The following ITGAL variants were observed in gnomAD, a reference collection of about 807,000 sequenced individuals.
The protein encoded by ITGAL is integrin alpha-L.
A neutral mutation model predicts 138.4 loss-of-function variants in ITGAL; 68 were observed. The ratio of observed to expected loss-of-function variants is 0.49; its 90% CI spans 0.40 to 0.60. ITGAL has a LOEUF of 0.60. Among genes scored for constraint, ITGAL ranks in the 20% least tolerant of loss-of-function variants. The pLI, the probability that ITGAL is intolerant of heterozygous loss-of-function variation, is 0.00. For synonymous variants in ITGAL, 561 were observed against 584.3 expected, an observed-to-expected ratio of 0.96 and a Z score of 0.57; for missense variants, 1,256 against 1,478.6, an observed-to-expected ratio of 0.85 and a Z score of 2.47.
chr16:30,477,289 C>T (rs1351606316), intron 4 of ITGAL: 1 of 151,974 alleles, frequency 6.6e-6, no homozygotes, highest in East Asian at 1.9e-4. Context: ...TGGTGGCTCA[C>T]ATCTGTAATC....
chr16:30,479,544 AT>A, intron 6 of ITGAL, 83 bp downstream of exon 6: 1 of 1,352,544 alleles, frequency 7.4e-7, no homozygotes, highest in Non-Finnish European at 1.0e-6. Context: ...AAATGTTAGT[AT>A]GTGGAATCCT....
intron 26 of ITGAL, 28 bp downstream of exon 26, chr16:30,517,114 T>TA: frequency 7.1e-7 from 1 of 1,409,982 alleles, no homozygotes; most frequent in Middle Eastern, 1.8e-4. Context: ...AGGGAGGGTC[T>TA]ACCCTCCTCA....
At chr16:30,481,075 G>T (rs1432861609) in intron 6 of ITGAL, 1 of 231,432 alleles carries the variant, frequency 4.3e-6, no homozygotes, top group Non-Finnish European at 8.5e-6. Context: ...GCTGAGGCAG[G>T]TGGATCACCT....
chr16:30,494,036 G>T lies in ITGAL; in HGVS notation c.1214-176G>T, dbSNP rs561752191. 3.3e-5 allele frequency among the ~76,000 whole-genome samples: 5 copies of T among 152,312 alleles called. No individual in the cohort carries two copies. The East Asian group carries it at 9.7e-4, about 29-fold the overall frequency. On this transcript the variant is annotated intron_variant, in intron 11 of 30. Transcript: ENST00000356798. The surrounding 1 kb of genome is among the most constrained non-coding windows in gnomAD (Gnocchi z 4.2). ...ACAGTTGAAGACATGCCATCCCCAA[G>T]ATGGCAGGATTTGTTTGGCTGGGAG...
chr16:30,498,661 G>T (rs1490797424), intron 15 of ITGAL: 1 of 158,422 alleles, frequency 6.3e-6, no homozygotes, highest in East Asian at 1.8e-4. Flanking sequence ...CACTTTGGGA[G>T]CCCAAGCCGG....
chr16:30,507,295 T>G (rs2051016393), intron 21 of ITGAL, among the ~76,000 whole-genome samples: 1 of 151,064 alleles, frequency 6.6e-6, no homozygotes, highest in African/African-American at 2.4e-5. Flanking sequence ...CCGTCTCTAC[T>G]AAAAATACAA....
At chr16:30,511,688 C>T (rs2051093558) in intron 24 of ITGAL, among the ~76,000 whole-genome samples, 1 of 152,200 alleles carries the variant, frequency 6.6e-6, no homozygotes. Flanking sequence ...ATACCCCTTG[C>T]CCTCAGGGAG....
rs1219486253 is a variant in ITGAL, at chr16:30,519,837, T to C, written c.3229-20T>C. On this transcript the variant is annotated intron_variant, in intron 29 of 30. Transcript: ENST00000356798. Reference sequence around the variant, plus strand: ...GGGTGGAAAAGGCATTTTCCGGCACTCCCCTCCCCCTGCTCCCAGGTTGTC... The same window carrying C: ...GGGTGGAAAAGGCATTTTCCGGCACCCCCCTCCCCCTGCTCCCAGGTTGTC... 8 of 1,558,830 alleles carry C rather than the reference T, an allele frequency of 5.1e-6. No individual in the cohort carries two copies. The highest frequency in any genetic ancestry group is 7.1e-6 in the Non-Finnish European group (8 of 1,129,960).
At chr16:30,512,445 G>A (rs1003321933) in intron 24 of ITGAL, among the ~76,000 whole-genome samples, 5 of 151,746 alleles carry the variant, frequency 3.3e-5, no homozygotes, top group Non-Finnish European at 7.4e-5. Flanking sequence ...AAATTAGCTC[G>A]GCGTTGTGGC....
At chr16:30,515,986 A>G (rs1382764224) in intron 25 of ITGAL, among the ~76,000 whole-genome samples, 2 of 151,938 alleles carry the variant, frequency 1.3e-5, no homozygotes, top group African/African-American at 4.8e-5. Flanking sequence ...AAAAAAAAAA[A>G]TCCTGTCCAT....
intron 4 of ITGAL, among the ~76,000 whole-genome samples, chr16:30,477,606 C>T (rs17839542): frequency 0.043 from 6,469 of 151,832 alleles, 396 homozygotes; most frequent in African/African-American, 0.14. Context: ...GAAGAAATTG[C>T]AATCTGGCAG....
chr16:30,496,211 G>A lies in ITGAL; in HGVS notation c.1618G>A (p.Ala540Thr). The A allele has an allele frequency of 6.2e-7, 1 of 1,613,780 alleles. No homozygotes were observed. Among genetic ancestry groups the A allele is most frequent in the Non-Finnish European group, 8.5e-7 (1 of 1,179,838 alleles). ...DINGDGLVDVAVGAPLEEQGA... is the reference protein window; with the variant it reads ...DINGDGLVDVTVGAPLEEQGA... ...CAACGGCGATGGGCTGGTAGACGTG[G>A]CTGTGGGGGCCCCTCTGGAGGAGCA... Residue 540 changes from alanine to threonine, a missense_variant, in exon 14 of 31, where the codon GCT (alanine) becomes ACT (threonine). Transcript: ENST00000356798.
intron 3 of ITGAL, 54 bp from the exon 4 acceptor site, chr16:30,475,459 C>T: frequency 6.3e-7 from 1 of 1,599,120 alleles, no homozygotes; most frequent in Non-Finnish European, 8.6e-7. Context: ...GAGGCTGGCC[C>T]CAGCCCACCT....
chr16:30,501,122 G>A (rs12929754), intron 17 of ITGAL, among the ~76,000 whole-genome samples: 92,982 of 151,914 alleles, frequency 0.61, 29,493 homozygotes, highest in East Asian at 0.99. Context: ...CTGGGATTAC[G>A]GGCATGAGCC....
At chr16:30,495,848 CA>C (rs999465904) in intron 13 of ITGAL, among the ~76,000 whole-genome samples, 2 of 149,536 alleles carry the variant, frequency 1.3e-5, no homozygotes, top group Non-Finnish European at 3.0e-5. Flanking sequence ...GACTCCATCT[CA>C]AAAAAAAATT....
At chr16:30,513,348 C>T (rs924925987) in intron 24 of ITGAL, among the ~76,000 whole-genome samples, 5 of 152,240 alleles carry the variant, frequency 3.3e-5, no homozygotes, top group South Asian at 2.1e-4. Context: ...AGTAGGGGGC[C>T]GTTGGCCAAT....
intron 22 of ITGAL, 113 bp from the exon 23 acceptor site, chr16:30,510,768 G>T (rs1248792420): frequency 2.4e-6 from 2 of 846,798 alleles, no homozygotes; most frequent in Non-Finnish European, 3.9e-6. Context: ...CAGTGCTTGG[G>T]GTGCAGTGAG....
chr16:30,500,680 G>C (rs1309619897), intron 17 of ITGAL, among the ~76,000 whole-genome samples: 2 of 152,020 alleles, frequency 1.3e-5, no homozygotes, highest in Non-Finnish European at 2.9e-5. Flanking sequence ...CTCCCGAGTA[G>C]CTAGGACTAC....
At chr16:30,479,290 C>T (rs1432964759) in intron 5 of ITGAL, 41 bp from the exon 6 acceptor site, 1 of 1,613,530 alleles carries the variant, frequency 6.2e-7, no homozygotes, top group Non-Finnish European at 8.5e-7. Flanking sequence ...GGTCAAACAC[C>T]AGAGATGCTT....
Sources: gnomAD v4.1 joint callset for allele counts (sites outside exome capture counted in the v4.1 genomes callset) on GRCh38, gnomAD v4.1.1 for gene constraint, Gnocchi (gnomAD v3.1) non-coding constraint, MANE v1.5 for transcripts, NCBI Gene and HGNC (gene_info 2026-07-23, HGNC 2026-07-21) for gene names.